Variants in LRP1B observed in about 807,000 individuals in gnomAD.
LRP1B encodes LDL receptor related protein 1B.
A neutral mutation model predicts 556.6 loss-of-function variants in LRP1B; 217 were observed. The ratio of observed to expected loss-of-function variants is 0.39; its 90% confidence interval spans 0.35 to 0.44. LRP1B has a LOEUF of 0.44. Ranked by LOEUF, LRP1B falls within the 20% of genes least tolerant of loss-of-function variation. The pLI is 1.00. For missense variants in LRP1B, 5,053 were observed against 5,620.8 expected (o/e 0.90, Z 3.23); for synonymous variants, 2,047 against 1,865.8 (o/e 1.10, Z -2.50).
At position 140,435,862 on chromosome 2, in the gene LRP1B, C is replaced by A. The variant is rs1036626171; in HGVS notation, c.10414+6642G>T. Among the ~76,000 whole-genome samples, 14 of 152,150 alleles carry A rather than the reference C, an allele frequency of 9.2e-5. No individual in the cohort carries two copies. The East Asian group carries it at 2.7e-3, about 29-fold the overall frequency. Reference sequence around the variant, plus strand: ...AAAAGCTAGAGGACAATTTCCTGGTCCCATTCATACAGATAGGCTCTCCTT... The same window carrying A: ...AAAAGCTAGAGGACAATTTCCTGGTACCATTCATACAGATAGGCTCTCCTT... On this transcript the variant is annotated intron_variant, in intron 66 of 90. Coordinates refer to ENST00000389484, the MANE Select transcript of LRP1B (RefSeq NM_018557.3).
At position 141,155,821 on chromosome 2, in the gene LRP1B, TAACA is replaced by T. The variant is rs1193411209; in HGVS notation, c.1013+32596_1013+32599del. On this transcript the variant is annotated intron_variant, in intron 7 of 90. Transcript: ENST00000389484. ...TTACATTTACTAGTATTTCCAAAGCTAACAAATAATTTAACAATATTAAATTAAT... is the reference window on the plus strand; with the variant it reads ...TTACATTTACTAGTATTTCCAAAGCTAATAATTTAACAATATTAAATTAAT... Among the ~76,000 whole-genome samples the T allele has an allele frequency of 4.6e-5, 7 of 152,302 alleles. No homozygotes were observed. In the East Asian group the frequency reaches 9.6e-4, roughly 21 times the overall value.
intron 56 of LRP1B, among the ~76,000 whole-genome samples, chr2:140,494,754 C>T (rs536225659): frequency 6.7e-6 from 1 of 149,808 alleles, no homozygotes; most frequent in East Asian, 2.0e-4. Context: ...TAAAAAAACC[C>T]ATATTTTAAA....
At chr2:142,019,332 T>C (rs949581923) in intron 1 of LRP1B, among the ~76,000 whole-genome samples, 66 of 152,096 alleles carry the variant, frequency 4.3e-4, no homozygotes, top group African/African-American at 1.5e-3. Flanking sequence ...ATAAAGTGAG[T>C]TTCCTAATTA....
intron 3 of LRP1B, among the ~76,000 whole-genome samples, chr2:141,465,543 C>T (rs901425376): frequency 6.0e-5 from 7 of 117,314 alleles, no homozygotes; most frequent in Admixed American, 1.7e-4. Flanking sequence ...CACAGCATGA[C>T]TTTTTTTTTT....
At chr2:140,256,601 T>C (rs1467153072) in intron 86 of LRP1B, among the ~76,000 whole-genome samples, 1 of 151,226 alleles carries the variant, frequency 6.6e-6, no homozygotes, top group Non-Finnish European at 1.5e-5. Context: ...CCTGAGTAGC[T>C]GGGACTACAG....
At chr2:141,944,088 G>A (rs1344133523) in intron 1 of LRP1B, among the ~76,000 whole-genome samples, 1 of 152,046 alleles carries the variant, frequency 6.6e-6, no homozygotes, top group Non-Finnish European at 1.5e-5. Flanking sequence ...GGTTCTCCGG[G>A]GACCCGTTTA....
chr2:140,290,587 G>T (rs1371417300), intron 84 of LRP1B, among the ~76,000 whole-genome samples: 1 of 152,000 alleles, frequency 6.6e-6, no homozygotes, highest in Admixed American at 6.6e-5. Flanking sequence ...AAAGCTTTAG[G>T]CTCTGTTCGA....
intron 21 of LRP1B, among the ~76,000 whole-genome samples, chr2:140,915,119 T>A (rs1313003036): frequency 2.6e-4 from 40 of 152,062 alleles, no homozygotes. Context: ...GATGTTAGAT[T>A]GCAAGGGGTG....
intron 37 of LRP1B, among the ~76,000 whole-genome samples, chr2:140,708,244 A>G (rs1686910005): frequency 6.6e-6 from 1 of 151,968 alleles, no homozygotes; most frequent in African/African-American, 2.4e-5. Flanking sequence ...CCTGTAAACA[A>G]CTTCAGAATT....
chr2:140,702,061 A>G, intron 39 of LRP1B, 80 bp downstream of exon 39: 1 of 1,499,284 alleles, frequency 6.7e-7, no homozygotes, highest in East Asian at 2.3e-5. Flanking sequence ...TTGCTAAGAA[A>G]TGGTAAATCC....
intron 2 of LRP1B, among the ~76,000 whole-genome samples, chr2:141,512,517 T>C (rs1445793046): frequency 1.3e-5 from 2 of 152,184 alleles, no homozygotes; most frequent in Non-Finnish European, 2.9e-5. Flanking sequence ...AGGTATCATA[T>C]TGAGAATGGC....
intron 3 of LRP1B, among the ~76,000 whole-genome samples, chr2:141,386,811 A>G (rs1295434910): frequency 2.0e-5 from 3 of 152,048 alleles, no homozygotes; most frequent in Non-Finnish European, 2.9e-5. Flanking sequence ...TAATTAGTAC[A>G]TCTAACAGGA....
At chr2:140,658,387 T>C (rs1451647000) in intron 41 of LRP1B, among the ~76,000 whole-genome samples, 2 of 152,030 alleles carry the variant, frequency 1.3e-5, no homozygotes, top group Non-Finnish European at 2.9e-5. Context: ...TTCAAAAAAG[T>C]TCATGTTTTC....
At chr2:141,327,265 C>T (rs1468080419) in intron 3 of LRP1B, among the ~76,000 whole-genome samples, 1 of 152,100 alleles carries the variant, frequency 6.6e-6, no homozygotes, top group Admixed American at 6.6e-5. Flanking sequence ...CAAATATTTA[C>T]ATGCATGAAG....
At chr2:140,644,382 ATTTC>A (rs1180487736) in intron 41 of LRP1B, among the ~76,000 whole-genome samples, 1 of 148,102 alleles carries the variant, frequency 6.8e-6, no homozygotes, top group African/African-American at 2.5e-5. Context: ...AGCATCAATC[ATTTC>A]TTTCTTTCTT....
At chr2:140,740,748 C>T (rs547199373) in intron 35 of LRP1B, among the ~76,000 whole-genome samples, 2 of 152,238 alleles carry the variant, frequency 1.3e-5, no homozygotes, top group South Asian at 2.1e-4. Flanking sequence ...TCTGAGGCCT[C>T]GATCTTGGCC....
intron 1 of LRP1B, among the ~76,000 whole-genome samples, chr2:141,900,140 T>C (rs1176108471): frequency 6.6e-6 from 1 of 152,138 alleles, no homozygotes; most frequent in Non-Finnish European, 1.5e-5. Flanking sequence ...TGGAGAATTA[T>C]ATACATTGTT....
At chr2:140,286,520 G>A (rs1358514843) in intron 84 of LRP1B, among the ~76,000 whole-genome samples, 1 of 151,796 alleles carries the variant, frequency 6.6e-6, no homozygotes, top group Admixed American at 6.6e-5. Context: ...AATGTGACTT[G>A]CCAAATTCCC....
chr2:140,764,410 T>C (rs889486735), intron 35 of LRP1B, among the ~76,000 whole-genome samples: 1 of 152,084 alleles, frequency 6.6e-6, no homozygotes, highest in South Asian at 2.1e-4. Context: ...TCCATTAGTA[T>C]ATGGCCCCTT....
Sources: gnomAD v4.1 joint callset for allele counts (sites outside exome capture counted in the v4.1 genomes callset) on GRCh38, gnomAD v4.1.1 for gene constraint, MANE v1.5 for transcripts, NCBI Gene and HGNC (gene_info 2026-07-23, HGNC 2026-07-21) for gene names.